RNF220: variants seen among roughly 807,000 people sequenced by gnomAD.
RNF220 encodes ring finger protein 220.
A neutral mutation model predicts 67.1 loss-of-function variants in RNF220; 7 were observed. The ratio of observed to expected loss-of-function variants is 0.10; its 90% CI spans 0.06 to 0.20. RNF220 has a LOEUF of 0.20. Ranked by LOEUF, RNF220 falls within the 10% of genes least tolerant of loss-of-function variation. RNF220 has a pLI of 1.00. For synonymous variants in RNF220, 270 were observed against 283.2 expected (o/e 0.95, Z 0.47); for missense variants, 565 against 740.3 (o/e 0.76, Z 2.75).
At chr1:44,635,331 T>C in intron 6 of RNF220, 1 of 576,680 alleles carries the variant, frequency 1.7e-6, no homozygotes, top group Non-Finnish European at 3.0e-6. Flanking sequence ...ACTTACTCAC[T>C]GGCTTAGTTA....
At chr1:44,413,923 G>A (rs1046370822) in intron 2 of RNF220, among the ~76,000 whole-genome samples, 1 of 152,184 alleles carries the variant, frequency 6.6e-6, no homozygotes, top group Admixed American at 6.5e-5. Context: ...GCGCTAAAAG[G>A]CATCTGCCTA....
intron 2 of RNF220, among the ~76,000 whole-genome samples, chr1:44,418,591 C>A (rs56270137): frequency 0.014 from 2,092 of 151,462 alleles, 28 homozygotes; most frequent in South Asian, 0.037. Flanking sequence ...GGGCTGCCTT[C>A]CGGTCAGCGG....
chr1:44,624,031 C>T lies in RNF220; in HGVS notation c.804+1244C>T, dbSNP rs1300977919. ...GCCTTTCAAAGGTATAGGAATGGAT[C>T]GTGTACCTTCGTTTAGAAAACTGCT... On this transcript the variant is annotated intron_variant, in intron 4 of 14. Coordinates refer to ENST00000361799, the MANE Select transcript of RNF220 (RefSeq NM_018150.4). The surrounding 1 kb of genome is among the most constrained non-coding windows in gnomAD (Gnocchi z 4.2). Among the ~76,000 whole-genome samples the T allele has an allele frequency of 1.3e-5, 2 of 152,202 alleles. No individual in the cohort carries two copies. The highest frequency in any genetic ancestry group is 2.9e-5 in the Non-Finnish European group (2 of 68,044).
intron 2 of RNF220, among the ~76,000 whole-genome samples, chr1:44,473,971 T>C (rs1655048577): frequency 6.6e-6 from 1 of 152,204 alleles, no homozygotes; most frequent in African/African-American, 2.4e-5. Flanking sequence ...TAGTTATTAT[T>C]GCAATTACCT....
At chr1:44,480,164 G>C (rs1009730761) in intron 2 of RNF220, among the ~76,000 whole-genome samples, 1 of 152,308 alleles carries the variant, frequency 6.6e-6, no homozygotes, top group African/African-American at 2.4e-5. Context: ...AGCACTTTGG[G>C]AGGCCAAGGC....
intron 2 of RNF220, among the ~76,000 whole-genome samples, chr1:44,433,463 A>G (rs2147873990): frequency 6.6e-6 from 1 of 152,318 alleles, no homozygotes; most frequent in South Asian, 2.1e-4. Context: ...TTCAAAATAA[A>G]CAATGACAGC....
At chr1:44,470,529 A>G (rs544601891) in intron 2 of RNF220, among the ~76,000 whole-genome samples, 1 of 152,258 alleles carries the variant, frequency 6.6e-6, no homozygotes, top group East Asian at 1.9e-4. Flanking sequence ...CCACTATTCT[A>G]CTGTCTTCTC....
chr1:44,617,845 G>A (rs895568089), intron 3 of RNF220, among the ~76,000 whole-genome samples: 1 of 152,070 alleles, frequency 6.6e-6, no homozygotes, highest in Non-Finnish European at 1.5e-5. Context: ...ATCTTTGGAG[G>A]CTTCCTCCCC....
At chr1:44,556,481 C>A (rs1663091089) in intron 2 of RNF220, among the ~76,000 whole-genome samples, 1 of 150,686 alleles carries the variant, frequency 6.6e-6, no homozygotes, top group African/African-American at 2.5e-5. Flanking sequence ...AACCTGCCCT[C>A]TTTTTAATGC....
At chr1:44,427,761 G>A (rs1170515842) in intron 2 of RNF220, among the ~76,000 whole-genome samples, 2 of 152,178 alleles carry the variant, frequency 1.3e-5, no homozygotes, top group Admixed American at 1.3e-4. Flanking sequence ...TCTTAGTGGT[G>A]TTATAAGGAT....
chr1:44,616,413 T>C (rs1643547296), intron 3 of RNF220, among the ~76,000 whole-genome samples: 1 of 152,232 alleles, frequency 6.6e-6, no homozygotes, highest in East Asian at 1.9e-4. Flanking sequence ...TTATTTAATC[T>C]TCACAACAAC....
chr1:44,552,632 G>A (rs272521), intron 2 of RNF220, among the ~76,000 whole-genome samples: 31,882 of 124,662 alleles, frequency 0.26, 4,343 homozygotes, highest in East Asian at 0.43. Flanking sequence ...GTGCAGTTGC[G>A]CAATCTCGGC....
At chr1:44,495,134 G>A (rs1657218801) in intron 2 of RNF220, among the ~76,000 whole-genome samples, 1 of 152,082 alleles carries the variant, frequency 6.6e-6, no homozygotes, top group Non-Finnish European at 1.5e-5. Context: ...GATCACTTGA[G>A]GCTGGGAGGT....
intron 2 of RNF220, among the ~76,000 whole-genome samples, chr1:44,613,927 G>T (rs1643427439): frequency 6.6e-6 from 1 of 152,276 alleles, no homozygotes; most frequent in South Asian, 2.1e-4. Context: ...TCCCATGGGG[G>T]ATGTGTCCTA....
intron 2 of RNF220, among the ~76,000 whole-genome samples, chr1:44,572,603 G>A (rs1467764605): frequency 2.0e-5 from 3 of 151,888 alleles, no homozygotes; most frequent in Non-Finnish European, 2.9e-5. Flanking sequence ...CCTATTTACT[G>A]TTCCTTCTAC....
At chr1:44,518,452 C>T (rs1659635369) in intron 2 of RNF220, among the ~76,000 whole-genome samples, 1 of 152,162 alleles carries the variant, frequency 6.6e-6, no homozygotes, top group Non-Finnish European at 1.5e-5. Context: ...ATAAACCCAC[C>T]TCTTCCTGAT....
chr1:44,635,245 G>T, intron 6 of RNF220: 1 of 353,654 alleles, frequency 2.8e-6, no homozygotes, highest in Non-Finnish European at 5.2e-6. Context: ...GAGTGTCTTT[G>T]CTCACTGGAT....
At chr1:44,492,313 CG>C (rs371898181) in intron 2 of RNF220, among the ~76,000 whole-genome samples, 3 of 151,968 alleles carry the variant, frequency 2.0e-5, no homozygotes, top group Non-Finnish European at 2.9e-5. Flanking sequence ...CATATGCTCC[CG>C]GGGGGGTGTA....
At chr1:44,566,841 G>A (rs1379843122) in intron 2 of RNF220, among the ~76,000 whole-genome samples, 1 of 152,154 alleles carries the variant, frequency 6.6e-6, no homozygotes, top group Admixed American at 6.5e-5. Flanking sequence ...TGGTCAAGAG[G>A]TCACTATGGC....
Sources: allele counts gnomAD v4.1 joint callset (sites outside exome capture counted in the v4.1 genomes callset), GRCh38; gene constraint gnomAD v4.1.1; non-coding constraint Gnocchi (gnomAD v3.1); transcripts MANE v1.5; gene names NCBI Gene and HGNC (gene_info 2026-07-23, HGNC 2026-07-21).